The following SCN2A variants were observed in gnomAD, a reference collection of about 807,000 sequenced individuals.
The protein encoded by SCN2A is sodium channel protein type 2 subunit alpha.
A neutral mutation model predicts 188.7 loss-of-function variants in SCN2A; 20 were observed. That is an observed-to-expected ratio of 0.11 (90% confidence interval 0.07 to 0.15). SCN2A has a LOEUF of 0.15. Among genes scored for constraint, SCN2A ranks in the 10% least tolerant of loss-of-function variants. The pLI is 1.00. For missense variants in SCN2A, 1,278 were observed against 2,445.0 expected (o/e 0.52, Z 10.07); for synonymous variants, 804 against 833.1 (o/e 0.97, Z 0.60).
chr2:165,314,186 G>A lies in SCN2A; in HGVS notation c.1383+78G>A. ...CCTAAATGTTGAGGTCAGTGGCAAGGTAGTTGACATTAGAAATAGGTCATA... is the reference window on the plus strand; with the variant it reads ...CCTAAATGTTGAGGTCAGTGGCAAGATAGTTGACATTAGAAATAGGTCATA... On this transcript the variant is annotated intron_variant, in intron 10 of 26. Coordinates refer to ENST00000375437, the MANE Select transcript of SCN2A (RefSeq NM_001040142.2). 8 of 1,436,796 alleles carry A rather than the reference G, an allele frequency of 5.6e-6. No individual in the cohort carries two copies. The South Asian group carries it at 9.7e-5, about 17-fold the overall frequency. The allele number at this position is 1,436,796 out of a possible 1,614,324, so 89.0% of individuals were successfully genotyped here.
intron 19 of SCN2A, among the ~76,000 whole-genome samples, chr2:165,369,788 T>G (rs1327654142): frequency 1.3e-5 from 2 of 152,166 alleles, no homozygotes; most frequent in East Asian, 3.9e-4. Context: ...GAGGATGCAT[T>G]CCATTGAGTC....
intron 20 of SCN2A, chr2:165,371,485 T>C (rs1424356475): frequency 1.3e-5 from 2 of 152,094 alleles, no homozygotes; most frequent in Non-Finnish European, 2.9e-5. Context: ...ACCTCTTTAC[T>C]TGAGGAAGGA....
Position 165,331,694 on chromosome 2 carries a change from G to A in SCN2A, c.2388+126G>A, listed in dbSNP as rs142860891. 2.3e-3 allele frequency: 1,815 copies of A among 799,544 alleles called. 29 individuals are homozygous for A. In the African/African-American group the frequency reaches 0.025, roughly 11 times the overall value. The allele number at this position is 799,544 out of a possible 1,614,324, so 49.5% of individuals were successfully genotyped here. The stretch of plus-strand genomic sequence containing the variant: ...TGTATATCTTGACATCAAATGTTTA[G>A]CATCCCTTTTAAATAACAAAAAAAT... On this transcript the variant is annotated intron_variant, in intron 14 of 26. Transcript: ENST00000375437.
At chr2:165,278,726 C>A (rs1695454400) in intron 1 of SCN2A, among the ~76,000 whole-genome samples, 1 of 152,044 alleles carries the variant, frequency 6.6e-6, no homozygotes, top group Non-Finnish European at 1.5e-5. Flanking sequence ...TTACTTGAGC[C>A]AGGAGACCAG....
intron 25 of SCN2A, among the ~76,000 whole-genome samples, chr2:165,382,254 A>G (rs1180126703): frequency 6.6e-6 from 1 of 152,114 alleles, no homozygotes; most frequent in South Asian, 2.1e-4. Flanking sequence ...TTACCATACG[A>G]GTCTGAAGAA....
chr2:165,361,703 AG>A (rs1386113868), intron 17 of SCN2A, among the ~76,000 whole-genome samples: 1 of 152,068 alleles, frequency 6.6e-6, no homozygotes, highest in Non-Finnish European at 1.5e-5. Context: ...GGGAAGGATA[AG>A]ATTGCATTCC....
At chr2:165,252,812 G>A (rs1011432973) in intron 1 of SCN2A, among the ~76,000 whole-genome samples, 1 of 151,878 alleles carries the variant, frequency 6.6e-6, no homozygotes, top group South Asian at 2.1e-4. Flanking sequence ...GACAGAGAAT[G>A]TTCCACTCTG....
intron 1 of SCN2A, among the ~76,000 whole-genome samples, chr2:165,286,905 G>A (rs1198886176): frequency 6.6e-6 from 1 of 152,156 alleles, no homozygotes; most frequent in East Asian, 1.9e-4. Context: ...ACATCTCTGA[G>A]ATTTGAATGG....
At chr2:165,320,607 A>G (rs567241093) in intron 11 of SCN2A, among the ~76,000 whole-genome samples, 1 of 152,318 alleles carries the variant, frequency 6.6e-6, no homozygotes, top group Admixed American at 6.5e-5. Context: ...ATGTTCCCAA[A>G]TCCCAGTTAT....
At chr2:165,354,728 T>C in intron 17 of SCN2A, 57 bp downstream of exon 17, 1 of 1,555,288 alleles carries the variant, frequency 6.4e-7, no homozygotes, top group Non-Finnish European at 8.8e-7. Context: ...TTGTTTAAAA[T>C]TATCAGGTGT....
intron 1 of SCN2A, among the ~76,000 whole-genome samples, chr2:165,254,813 G>A (rs968356628): frequency 3.3e-5 from 5 of 151,672 alleles, no homozygotes; most frequent in Middle Eastern, 4.5e-3. Context: ...GCATAATAAC[G>A]TACTACTATT....
chr2:165,275,478 G>T (rs1695294624), intron 1 of SCN2A, among the ~76,000 whole-genome samples: 2 of 152,102 alleles, frequency 1.3e-5, no homozygotes. Context: ...TAGAATATAA[G>T]CTCCACAAGG....
chr2:165,339,045 C>A (rs530991540), intron 14 of SCN2A, among the ~76,000 whole-genome samples: 7 of 152,182 alleles, frequency 4.6e-5, no homozygotes, highest in African/African-American at 1.4e-4. Context: ...CATAGTGAAA[C>A]CCCGTCTGTA....
chr2:165,367,030 A>G (rs1401784211), intron 18 of SCN2A, among the ~76,000 whole-genome samples, 187 bp from the exon 19 acceptor site: 1 of 152,162 alleles, frequency 6.6e-6, no homozygotes, highest in African/African-American at 2.4e-5. Flanking sequence ...ATAAATATTT[A>G]TTAAACAAAT....
At chr2:165,272,122 A>G (rs1392702770) in intron 1 of SCN2A, 1 of 152,090 alleles carries the variant, frequency 6.6e-6, no homozygotes, top group Non-Finnish European at 1.5e-5. Context: ...TTTTCAACAC[A>G]TATTTTAAAT....
At chr2:165,338,354 G>A (rs1024682076) in intron 14 of SCN2A, among the ~76,000 whole-genome samples, 3 of 148,898 alleles carry the variant, frequency 2.0e-5, no homozygotes, top group Non-Finnish European at 4.4e-5. Context: ...CCGCCTCCCC[G>A]GTTCACGTTG....
chr2:165,276,525 A>G (rs560077495), intron 1 of SCN2A, among the ~76,000 whole-genome samples: 3 of 152,218 alleles, frequency 2.0e-5, no homozygotes, highest in African/African-American at 7.2e-5. Context: ...CTTCTACGCC[A>G]TTGCTCTCGA....
rs1302099415 is a variant in SCN2A, at chr2:165,308,614, C to T, written c.477-52C>T. On this transcript the variant is annotated intron_variant, in intron 4 of 26. Coordinates refer to ENST00000375437, the MANE Select transcript of SCN2A (RefSeq NM_001040142.2). Reference sequence around the variant, plus strand: ...GTTTATGTCATCTTTAAGATATGTACTTGTAAATTAACCACTAGATTTTTA... The same window carrying T: ...GTTTATGTCATCTTTAAGATATGTATTTGTAAATTAACCACTAGATTTTTA... 26 of 1,587,870 alleles carry T rather than the reference C, an allele frequency of 1.6e-5. No homozygotes were observed. In the Admixed American group the frequency reaches 4.4e-4, roughly 27 times the overall value.
At chr2:165,365,015 G>A (rs1277802794) in intron 17 of SCN2A, 128 bp from the exon 18 acceptor site, 3 of 879,014 alleles carry the variant, frequency 3.4e-6, no homozygotes, top group East Asian at 5.6e-5. Flanking sequence ...TTGGCATTAT[G>A]TTTAAGTTCT....
Sources: allele counts gnomAD v4.1 joint callset (sites outside exome capture counted in the v4.1 genomes callset), GRCh38; gene constraint gnomAD v4.1.1; transcripts MANE v1.5; gene names NCBI Gene and HGNC (gene_info 2026-07-23, HGNC 2026-07-21).